Variants in EXOSC7 observed in about 807,000 individuals in gnomAD.
The protein encoded by EXOSC7 is exosome complex component RRP42.
In EXOSC7, 25 loss-of-function variants were observed where a neutral mutation model predicts 34.3. The observed-to-expected ratio is 0.73, with a 90% CI of 0.53 to 1.02. The LOEUF (loss-of-function observed/expected upper bound fraction) is 1.02. EXOSC7 is among the 50% of genes least tolerant of loss of function. The probability of loss-of-function intolerance (pLI) is 0.00; values close to 1 mark genes in which losing one functional copy is unlikely to be tolerated. For synonymous variants in EXOSC7, 130 were observed against 143.0 expected, an observed-to-expected ratio of 0.91 and a Z score of 0.65; for missense variants, 370 against 368.5, an observed-to-expected ratio of 1.00 and a Z score of -0.03.
intron 5 of EXOSC7, among the ~76,000 whole-genome samples, chr3:45,003,103 G>T (rs1706924537): frequency 6.6e-6 from 1 of 152,166 alleles, no homozygotes; most frequent in Admixed American, 6.5e-5. Context: ...CTCAGGTAGG[G>T]GAGGACACCT....
downstream of EXOSC7, chr3:45,011,614 T>C (rs1697289839): frequency 3.5e-6 from 1 of 282,794 alleles, no homozygotes; most frequent in African/African-American, 2.2e-5. Flanking sequence ...AGTAAAGACC[T>C]GACAGAAACT....
At position 45,007,484 on chromosome 3, in the gene EXOSC7, TG is replaced by T. The variant is rs773459707; in HGVS notation, c.682del (p.Val228CysfsTer3). 13 of 1,614,198 alleles carry T rather than the reference TG, an allele frequency of 8.1e-6. No homozygotes were observed. The highest frequency in any genetic ancestry group is 7.6e-6 in the Non-Finnish European group (9 of 1,180,028). On this transcript the variant is annotated frameshift_variant, in exon 7 of 8. Transcript: ENST00000265564. LOFTEE classifies it high-confidence loss of function. ...GAGGCCTGCTCGCTGGCCAGCTTGC[TG>T]GTGTCGGTGACCAGCAAGGGAGTTG... ...QEEACSLASL[L>X]VSVTSKGVVT...
rs1255773669 is a variant in EXOSC7, at chr3:44,989,133, C to A, written c.58-7C>A. Reference sequence around the variant, plus strand: ...GTGACTATAGGACTGTGGTTGTTAACACCTAGGAAGACCTCCGTGTGGATG... The same window carrying A: ...GTGACTATAGGACTGTGGTTGTTAAAACCTAGGAAGACCTCCGTGTGGATG... On this transcript the variant is annotated splice_region_variant and splice_polypyrimidine_tract_variant and intron_variant, in intron 1 of 7. Transcript: ENST00000265564. The A allele has an allele frequency of 6.2e-7, 1 of 1,609,032 alleles. No individual in the cohort carries two copies. The highest frequency in any genetic ancestry group is 1.7e-5 in the Admixed American group (1 of 59,980).
At chr3:44,993,855 T>C (rs148763987) in intron 3 of EXOSC7, among the ~76,000 whole-genome samples, 26 of 152,322 alleles carry the variant, frequency 1.7e-4, no homozygotes, top group African/African-American at 3.8e-4. Flanking sequence ...AGCTTTTTAT[T>C]TAGGGCTTCC....
intron 5 of EXOSC7, among the ~76,000 whole-genome samples, chr3:45,002,897 A>G (rs2125971300): frequency 6.6e-6 from 1 of 152,298 alleles, no homozygotes; most frequent in Middle Eastern, 3.4e-3. Flanking sequence ...CCACAGCAGT[A>G]GCTGGTGCTC....
chr3:45,007,616 G>T (rs1430587629), intron 7 of EXOSC7, 41 bp downstream of exon 7: 1 of 1,538,388 alleles, frequency 6.5e-7, no homozygotes, highest in Non-Finnish European at 8.8e-7. Context: ...GACCTGGCCG[G>T]GGTGCCTGCT....
intron 3 of EXOSC7, among the ~76,000 whole-genome samples, chr3:44,990,566 A>C (rs1706542084): frequency 2.0e-5 from 3 of 152,122 alleles, no homozygotes; most frequent in Admixed American, 1.3e-4. Context: ...CCACCTCCAC[A>C]TTCAGAGATT....
At chr3:44,988,406 C>T (rs765948497) in intron 1 of EXOSC7, among the ~76,000 whole-genome samples, 2 of 152,276 alleles carry the variant, frequency 1.3e-5, no homozygotes, top group East Asian at 3.9e-4. Context: ...GAACAGGCAG[C>T]GCGTAGACCA....
intron 2 of EXOSC7, 113 bp downstream of exon 2, chr3:44,989,354 A>G: frequency 1.1e-6 from 1 of 934,710 alleles, no homozygotes; most frequent in Non-Finnish European, 1.7e-6. Context: ...GGGAAATCGA[A>G]GATCCGAGCC....
intron 6 of EXOSC7, 49 bp from the exon 7 acceptor site, chr3:45,007,371 C>T: frequency 4.4e-6 from 7 of 1,606,612 alleles, no homozygotes; most frequent in Non-Finnish European, 6.0e-6. Context: ...AGGGGTGGGA[C>T]TCTGGGGCCT....
intron 4 of EXOSC7, among the ~76,000 whole-genome samples, chr3:44,998,617 G>A (rs1403285765): frequency 6.6e-6 from 1 of 152,210 alleles, no homozygotes; most frequent in Non-Finnish European, 1.5e-5. Flanking sequence ...TTGAGACAGG[G>A]TGGAGTTTTC....
intron 3 of EXOSC7, among the ~76,000 whole-genome samples, chr3:44,996,636 G>T (rs1289326244): frequency 6.6e-6 from 1 of 152,224 alleles, no homozygotes; most frequent in African/African-American, 2.4e-5. Context: ...GTATCGTAGT[G>T]TGTTCTAAAG....
At chr3:44,982,620 G>A (rs1033384879) in intron 1 of EXOSC7, among the ~76,000 whole-genome samples, 2 of 152,238 alleles carry the variant, frequency 1.3e-5, no homozygotes, top group African/African-American at 2.4e-5. Context: ...TAGGGGTATA[G>A]CATGGAAGAG....
At chr3:44,978,986 A>G (rs1250927252) in intron 1 of EXOSC7, among the ~76,000 whole-genome samples, 1 of 152,172 alleles carries the variant, frequency 6.6e-6, no homozygotes. Flanking sequence ...TATTTTTTAA[A>G]TTAAACCTCC....
At chr3:44,989,873 C>T (rs112483099) in intron 3 of EXOSC7, among the ~76,000 whole-genome samples, 1,892 of 152,148 alleles carry the variant, frequency 0.012, 35 homozygotes, top group African/African-American at 0.042. Flanking sequence ...TTTCCCTGTC[C>T]GATAAAGGAG....
At chr3:44,979,575 C>T (rs568618419) in intron 1 of EXOSC7, among the ~76,000 whole-genome samples, 1 of 145,906 alleles carries the variant, frequency 6.9e-6, no homozygotes, top group Non-Finnish European at 1.5e-5. Context: ...TCCAGGAATC[C>T]TAATCTCTGC....
At position 44,989,628 on chromosome 3, in the gene EXOSC7, G is replaced by C. The variant is rs759371060; in HGVS notation, c.238G>C (p.Glu80Gln). Residue 80 changes from glutamate (E) to glutamine (Q), a missense_variant, in exon 3 of 8, where the codon GAG becomes CAG. Coordinates refer to ENST00000265564, the MANE Select transcript of EXOSC7 (RefSeq NM_015004.4). ...GGAGAAACCAAATGAAGGCTACTTG[G>C]AGTTCTTTGTTGACTGGTCAGTACT... is the stretch of plus-strand genomic sequence containing the variant. ...KLEKPNEGYL[E>Q]FFVDCSASAT... The C allele has an allele frequency of 5.0e-6, 8 of 1,613,288 alleles. No homozygotes were observed. The highest frequency in any genetic ancestry group is 6.8e-6 in the Non-Finnish European group (8 of 1,179,242).
intron 3 of EXOSC7, among the ~76,000 whole-genome samples, chr3:44,992,472 C>T (rs1443148823): frequency 2.0e-5 from 3 of 152,150 alleles, no homozygotes; most frequent in South Asian, 2.1e-4. Flanking sequence ...TAGACACTGT[C>T]GCCACCTCCA....
chr3:44,990,565 C>T (rs1463870732), intron 3 of EXOSC7, among the ~76,000 whole-genome samples: 1 of 152,120 alleles, frequency 6.6e-6, no homozygotes, highest in Non-Finnish European at 1.5e-5. Flanking sequence ...ACCACCTCCA[C>T]ATTCAGAGAT....
Sources: allele counts gnomAD v4.1 joint callset (sites outside exome capture counted in the v4.1 genomes callset), GRCh38; gene constraint gnomAD v4.1.1; transcripts MANE v1.5; gene names NCBI Gene and HGNC (gene_info 2026-07-23, HGNC 2026-07-21).